PCDHGB5: variants seen among roughly 807,000 people sequenced by gnomAD.
The protein encoded by PCDHGB5 is protocadherin gamma subfamily B, 5.
PCDHGB5 carries 48 observed loss-of-function variants against 62.9 expected under a neutral mutation model. The ratio of observed to expected loss-of-function variants is 0.76; its 90% CI spans 0.61 to 0.97. The LOEUF (loss-of-function observed/expected upper bound fraction) is 0.97, where lower values mean the gene tolerates loss of function less well. Among genes scored for constraint, PCDHGB5 ranks in the 50% least tolerant of loss-of-function variants. The pLI, the probability that PCDHGB5 is intolerant of heterozygous loss-of-function variation, is 0.00. For synonymous variants in PCDHGB5, 474 were observed against 511.2 expected (o/e 0.93, Z 0.98); for missense variants, 1,118 against 1,198.6 (o/e 0.93, Z 0.99).
intron 1 of PCDHGB5, chr5:141,410,053 C>T: frequency 6.2e-7 from 1 of 1,613,160 alleles, no homozygotes; most frequent in African/African-American, 1.3e-5. Context: ...CCGGACTCTT[C>T]AGCCTGGGGC....
chr5:141,482,622 A>G (rs1197606374), intron 1 of PCDHGB5, among the ~76,000 whole-genome samples: 1 of 151,936 alleles, frequency 6.6e-6, no homozygotes, highest in Non-Finnish European at 1.5e-5. Context: ...AGCCTGGAGA[A>G]AGGAAGAAAT....
In PCDHGB5 at chr5:141,506,176, C is replaced by T. The variant is rs183157987; in HGVS notation, c.2545+695C>T. ...CCTTAAGAGCACAGCCTAAGCTGGG[C>T]GTGGTGGCTCACGCCTGTAATCCCA... is the stretch of plus-strand genomic sequence containing the variant. On this transcript the variant is annotated intron_variant, in intron 3 of 3. Coordinates refer to ENST00000617380, the MANE Select transcript of PCDHGB5 (RefSeq NM_018925.3). Among the ~76,000 whole-genome samples the T allele has an allele frequency of 3.0e-3, 454 of 152,234 alleles. 1 individual carries two copies. The highest frequency in any genetic ancestry group is 0.021 in the Admixed American group (317 of 15,296).
intron 1 of PCDHGB5, among the ~76,000 whole-genome samples, chr5:141,433,766 G>A (rs2097649774): frequency 6.6e-6 from 1 of 151,888 alleles, no homozygotes; most frequent in South Asian, 2.1e-4. Flanking sequence ...TAACCTGGGA[G>A]GTGGAGGTTG....
At chr5:141,481,822 G>A (rs1017311512) in intron 1 of PCDHGB5, among the ~76,000 whole-genome samples, 12 of 151,620 alleles carry the variant, frequency 7.9e-5, no homozygotes, top group Non-Finnish European at 1.5e-4. Context: ...CGTGGTGGCT[G>A]AGGCAGGAGA....
intron 1 of PCDHGB5, chr5:141,441,671 C>A (rs1027440120): frequency 7.0e-6 from 2 of 287,530 alleles, no homozygotes; most frequent in South Asian, 2.9e-5. Flanking sequence ...GCGCACAGTG[C>A]GCCTTCGACC....
Position 141,487,781 on chromosome 5 carries a change from G to T in PCDHGB5, c.2398-7026G>T. ...AGACGCTGTGCTTTGTAACTGTTTC[G>T]TGAATTAACCAGAGTTGTCACAGTT... On this transcript the variant is annotated intron_variant, in intron 1 of 3. Transcript: ENST00000617380. This position sits in a 1 kb window ranked among gnomAD's most constrained non-coding sequence, Gnocchi z 5.0. 2 of 1,526,850 alleles carry T rather than the reference G, an allele frequency of 1.3e-6. No homozygotes were observed. The highest frequency in any genetic ancestry group is 8.8e-7 in the Non-Finnish European group (1 of 1,130,880). The allele number at this position is 1,526,850 out of a possible 1,614,324, so 94.6% of individuals were successfully genotyped here. A position where few individuals can be genotyped will look rare whatever the true frequency, so the allele number is the denominator to read the frequency against.
In PCDHGB5 at chr5:141,511,829, G is replaced by A. The variant is rs1181369164; in HGVS notation, c.*656G>A. 1 of 156,774 alleles carries A rather than the reference G, an allele frequency of 6.4e-6. No individual in the cohort carries two copies. Among genetic ancestry groups the A allele is most frequent in the Non-Finnish European group, 1.4e-5 (1 of 70,652 alleles). The allele number at this position is 156,774 out of a possible 1,614,324, so 9.7% of individuals were successfully genotyped here. Reference sequence around the variant, plus strand: ...TACCAAGCCTCTTCCCAACGCCCTGGGGACCAGTCTTCTGTTTTGTTTTTC... The same window carrying A: ...TACCAAGCCTCTTCCCAACGCCCTGAGGACCAGTCTTCTGTTTTGTTTTTC... On this transcript the variant is annotated 3_prime_UTR_variant, in exon 4 of 4. Transcript: ENST00000617380.
At chr5:141,494,583 G>A (rs2099755431) in intron 1 of PCDHGB5, among the ~76,000 whole-genome samples, 1 of 152,152 alleles carries the variant, frequency 6.6e-6, no homozygotes, top group Non-Finnish European at 1.5e-5. Flanking sequence ...CTTGCTCACT[G>A]TGGTCAGATG....
chr5:141,464,655 G>T (rs1326749316), intron 1 of PCDHGB5, among the ~76,000 whole-genome samples: 1 of 152,070 alleles, frequency 6.6e-6, no homozygotes. Flanking sequence ...TGGGTAAAAA[G>T]ATATCTCCAA....
chr5:141,473,269 A>G (rs2099318337), intron 1 of PCDHGB5, among the ~76,000 whole-genome samples: 1 of 152,208 alleles, frequency 6.6e-6, no homozygotes. Flanking sequence ...AGTGTATGCT[A>G]TGATTATTTT....
intron 1 of PCDHGB5, among the ~76,000 whole-genome samples, chr5:141,482,765 T>C (rs2099572013): frequency 7.9e-6 from 1 of 127,068 alleles, no homozygotes; most frequent in African/African-American, 3.6e-5. Flanking sequence ...TATTTCATTA[T>C]CACTGAACCT....
chr5:141,504,180 A>G (rs1195970606), intron 2 of PCDHGB5, among the ~76,000 whole-genome samples: 1 of 152,236 alleles, frequency 6.6e-6, no homozygotes, highest in Non-Finnish European at 1.5e-5. Context: ...ATTCAAAAAA[A>G]TCATGAAAAT....
At chr5:141,468,783 G>T (rs908838744) in intron 1 of PCDHGB5, among the ~76,000 whole-genome samples, 5 of 151,346 alleles carry the variant, frequency 3.3e-5, no homozygotes, top group East Asian at 2.0e-4. Flanking sequence ...GGAGAATGGC[G>T]TGAACCCGGG....
rs151239937 is a variant in PCDHGB5, at chr5:141,485,980, G to A, written c.2398-8827G>A. 1.9e-6 allele frequency: 3 copies of A among 1,614,020 alleles called. No homozygotes were observed. The highest frequency in any genetic ancestry group is 2.5e-6 in the Non-Finnish European group (3 of 1,180,004). Reference sequence around the variant, plus strand: ...TCATCCAGCTCAATGCCTCAGACCCGGACCTGGGTCCCAGTGGTAACGTCA... The same window carrying A: ...TCATCCAGCTCAATGCCTCAGACCCAGACCTGGGTCCCAGTGGTAACGTCA... On this transcript the variant is annotated intron_variant, in intron 1 of 3. Coordinates refer to ENST00000617380, the MANE Select transcript of PCDHGB5 (RefSeq NM_018925.3). The surrounding 1 kb of genome is among the most constrained non-coding windows in gnomAD (Gnocchi z 5.7).
intron 2 of PCDHGB5, among the ~76,000 whole-genome samples, chr5:141,496,207 T>C (rs973745475): frequency 6.6e-6 from 1 of 152,134 alleles, no homozygotes; most frequent in Non-Finnish European, 1.5e-5. Flanking sequence ...CAATCTGGTA[T>C]GAATTCCTGC....
At chr5:141,420,025 T>A in intron 1 of PCDHGB5, 1 of 1,614,096 alleles carries the variant, frequency 6.2e-7, no homozygotes, top group Non-Finnish European at 8.5e-7. Context: ...TCAGCCCTAC[T>A]GCAGGAGACT....
chr5:141,505,589 C>T, intron 3 of PCDHGB5, 108 bp downstream of exon 3: 1 of 1,573,272 alleles, frequency 6.4e-7, no homozygotes, highest in Non-Finnish European at 8.6e-7. Context: ...GTAGTTTCTC[C>T]AGATCTTTCG....
chr5:141,399,589 A>T lies in PCDHGB5; in HGVS notation c.1462A>T (p.Met488Leu). The T allele has an allele frequency of 6.2e-7, 1 of 1,613,984 alleles. No individual in the cohort carries two copies. The highest frequency in any genetic ancestry group is 8.5e-7 in the Non-Finnish European group (1 of 1,179,886). ...GLNGQVSYSIMASDLEPLALA... is the reference protein window; with the variant it reads ...GLNGQVSYSILASDLEPLALA... ...GAACGGCCAAGTCTCCTACTCTATC[A>T]TGGCCAGCGACCTAGAGCCTCTGGC... The change falls in exon 1 of 4, where the codon ATG becomes TTG. Residue 488 changes from methionine to leucine, a missense_variant. By Grantham distance (15) the Met-to-Leu change is conservative. Transcript: ENST00000617380.
intron 1 of PCDHGB5, among the ~76,000 whole-genome samples, chr5:141,407,044 A>G (rs972892343): frequency 6.6e-6 from 1 of 152,246 alleles, no homozygotes; most frequent in African/African-American, 2.4e-5. Flanking sequence ...TGTGATCCAT[A>G]GATACACTGA....
Sources: gnomAD v4.1 joint callset for allele counts (sites outside exome capture counted in the v4.1 genomes callset) on GRCh38, gnomAD v4.1.1 for gene constraint, Gnocchi (gnomAD v3.1) non-coding constraint, MANE v1.5 for transcripts, NCBI Gene and HGNC (gene_info 2026-07-23, HGNC 2026-07-21) for gene names.